The following RGS6 variants were observed in gnomAD, a reference collection of about 807,000 sequenced individuals.
The protein encoded by RGS6 is regulator of G protein signaling 6, also known as regulator of G-protein signaling 6.
RGS6 carries 30 observed loss-of-function variants against 78.5 expected under a neutral mutation model. That is an observed-to-expected ratio of 0.38 (90% CI 0.29 to 0.52). The LOEUF (loss-of-function observed/expected upper bound fraction) is 0.52, where lower values mean the gene tolerates loss of function less well. RGS6 is among the 20% of genes least tolerant of loss of function. The probability of loss-of-function intolerance (pLI) is 0.85; values close to 1 mark genes in which losing one functional copy is unlikely to be tolerated. For synonymous variants in RGS6, 206 were observed against 206.0 expected, an observed-to-expected ratio of 1.00 and a Z score of 0.00; for missense variants, 495 against 609.7, an observed-to-expected ratio of 0.81 and a Z score of 1.98.
intron 2 of RGS6, among the ~76,000 whole-genome samples, chr14:72,279,496 C>G (rs1470432606): frequency 6.6e-6 from 1 of 152,192 alleles, no homozygotes; most frequent in Non-Finnish European, 1.5e-5. Flanking sequence ...TTGGCCTACT[C>G]TGCTCAGAAA....
At chr14:72,390,090 C>CT (rs767640465) in intron 3 of RGS6, among the ~76,000 whole-genome samples, 47,587 of 117,298 alleles carry the variant, frequency 0.41, 9,663 homozygotes, top group South Asian at 0.48. Context: ...AGCTATAGTT[C>CT]TTTTTTTTTT....
At chr14:72,472,161 T>C (rs2096094726) in intron 8 of RGS6, among the ~76,000 whole-genome samples, 2 of 119,816 alleles carry the variant, frequency 1.7e-5, no homozygotes, top group South Asian at 6.5e-4. Flanking sequence ...AAGTAATACA[T>C]GCTTTTTTAA....
chr14:72,465,744 C>T lies in RGS6; in HGVS notation c.395-14C>T. On this transcript the variant is annotated splice_polypyrimidine_tract_variant and intron_variant, in intron 6 of 17. Transcript: ENST00000553525. Reference sequence around the variant, plus strand: ...CTGGTTTTGTACATGTTGTCATTTCCTTTCTTCCCTCAGCCATCTATCTCT... The same window carrying T: ...CTGGTTTTGTACATGTTGTCATTTCTTTTCTTCCCTCAGCCATCTATCTCT... The T allele has an allele frequency of 1.9e-6, 3 of 1,608,528 alleles. No homozygotes were observed. Among genetic ancestry groups the T allele is most frequent in the South Asian group, 1.1e-5 (1 of 90,868 alleles).
intron 2 of RGS6, among the ~76,000 whole-genome samples, chr14:72,182,599 A>G (rs2097188914): frequency 2.0e-5 from 3 of 152,176 alleles, no homozygotes; most frequent in African/African-American, 7.2e-5. Flanking sequence ...GTTCTGGGAA[A>G]CTGCTGACAG....
At chr14:72,281,073 ATAGT>A (rs529616837) in intron 2 of RGS6, among the ~76,000 whole-genome samples, 1 of 152,104 alleles carries the variant, frequency 6.6e-6, no homozygotes, top group East Asian at 1.9e-4. Flanking sequence ...TAATACAGAG[ATAGT>A]TATGCTGTAT....
intron 2 of RGS6, among the ~76,000 whole-genome samples, chr14:72,159,294 G>A (rs955921491): frequency 1.3e-5 from 2 of 152,148 alleles, no homozygotes; most frequent in African/African-American, 2.4e-5. Context: ...AAAAATATAG[G>A]ATTTTCCCCA....
At chr14:72,005,190 A>AT (rs2084272528) in intron 2 of RGS6, among the ~76,000 whole-genome samples, 1 of 152,190 alleles carries the variant, frequency 6.6e-6, no homozygotes, top group African/African-American at 2.4e-5. Context: ...GTGTGAGCCT[A>AT]TTTTTGCATT....
the RGS6 span, among the ~76,000 whole-genome samples, chr14:71,886,994 A>G: frequency 6.6e-6 from 1 of 152,150 alleles, no homozygotes; most frequent in Non-Finnish European, 1.5e-5. Context: ...TACTAAAAAT[A>G]CAAAAATTAG....
intron 3 of RGS6, among the ~76,000 whole-genome samples, chr14:72,426,731 C>G (rs954160966): frequency 6.6e-6 from 1 of 152,228 alleles, no homozygotes; most frequent in African/African-American, 2.4e-5. Flanking sequence ...CTCTCTTAAG[C>G]TCCTTTTCCA....
intron 2 of RGS6, among the ~76,000 whole-genome samples, chr14:72,018,954 T>TCTCCCTCCTGCCCA (rs2087723439): frequency 6.6e-6 from 1 of 152,170 alleles, no homozygotes; most frequent in Non-Finnish European, 1.5e-5. Context: ...TGAGTGTGAA[T>TCTCCCTCCTGCCCA]GTGTGTCTTC....
chr14:72,416,466 C>T (rs1256593641), intron 3 of RGS6, among the ~76,000 whole-genome samples: 1 of 152,146 alleles, frequency 6.6e-6, no homozygotes, highest in Non-Finnish European at 1.5e-5. Flanking sequence ...ACTGTATTAA[C>T]TTTAATTTCT....
At chr14:72,121,951 G>C (rs1196957866) in intron 2 of RGS6, among the ~76,000 whole-genome samples, 1 of 152,074 alleles carries the variant, frequency 6.6e-6, no homozygotes, top group Admixed American at 6.5e-5. Context: ...CTGGGGACAG[G>C]GTGCTACTGG....
At chr14:72,386,896 C>T (rs1048300391) in intron 3 of RGS6, among the ~76,000 whole-genome samples, 33 of 152,040 alleles carry the variant, frequency 2.2e-4, no homozygotes, top group Admixed American at 2.0e-3. Context: ...CAATGATTTC[C>T]TGGGGTGCTG....
chr14:72,448,685 AATT>A (rs1313200573), intron 3 of RGS6, among the ~76,000 whole-genome samples: 1 of 152,200 alleles, frequency 6.6e-6, no homozygotes, highest in Admixed American at 6.5e-5. Flanking sequence ...TAATAGTACC[AATT>A]ATTATTATCA....
intron 3 of RGS6, among the ~76,000 whole-genome samples, chr14:72,369,473 G>A (rs1006227753): frequency 2.6e-5 from 4 of 152,140 alleles, no homozygotes; most frequent in Non-Finnish European, 5.9e-5. Flanking sequence ...GTGGTGATTT[G>A]TTGCAGCAGC....
rs145973178 is a variant in RGS6, at chr14:72,378,992, G to C, written c.184+26798G>C. Among the ~76,000 whole-genome samples, 266 of 152,190 alleles carry C rather than the reference G, an allele frequency of 1.7e-3. 1 individual carries two copies. Among genetic ancestry groups the C allele is most frequent in the African/African-American group, 6.3e-3 (260 of 41,540 alleles). On this transcript the variant is annotated intron_variant, in intron 3 of 17. Coordinates refer to ENST00000553525, the MANE Select transcript of RGS6 (RefSeq NM_001204424.2). ...CAAAAAGATAATACACCATGATCAA[G>C]TAGGATTTATCTCATGAATGCAAGG...
At chr14:72,060,338 A>T (rs1486779518) in intron 2 of RGS6, among the ~76,000 whole-genome samples, 1 of 147,664 alleles carries the variant, frequency 6.8e-6, no homozygotes, top group African/African-American at 2.5e-5. Flanking sequence ...ATCTTTTTTA[A>T]TATATTCTTG....
At chr14:72,268,196 G>A (rs186648817) in intron 2 of RGS6, among the ~76,000 whole-genome samples, 16 of 152,284 alleles carry the variant, frequency 1.1e-4, no homozygotes, top group East Asian at 3.9e-4. Flanking sequence ...CTGTGCTTCC[G>A]GGGGAGCTCA....
intron 16 of RGS6, among the ~76,000 whole-genome samples, chr14:72,536,932 A>T (rs2097258719): frequency 6.6e-6 from 1 of 152,026 alleles, no homozygotes; most frequent in African/African-American, 2.4e-5. Flanking sequence ...GGAGTCATGG[A>T]TTTGAGGTGC....
Sources: allele counts gnomAD v4.1 joint callset (sites outside exome capture counted in the v4.1 genomes callset), GRCh38; gene constraint gnomAD v4.1.1; transcripts MANE v1.5; gene names NCBI Gene and HGNC (gene_info 2026-07-23, HGNC 2026-07-21).